Variants in RTTN observed in about 807,000 individuals in gnomAD.
RTTN encodes the protein rotatin.
A neutral mutation model predicts 269.2 loss-of-function variants in RTTN; 182 were observed. The ratio of observed to expected loss-of-function variants is 0.68; its 90% CI spans 0.60 to 0.76. The LOEUF is 0.76. RTTN is among the 30% of genes least tolerant of loss of function. The probability of loss-of-function intolerance (pLI) is 0.00; values close to 1 mark genes in which losing one functional copy is unlikely to be tolerated. For synonymous variants in RTTN, 1,006 were observed against 963.5 expected (o/e 1.04, Z -0.82); for missense variants, 2,545 against 2,608.6 (o/e 0.98, Z 0.53).
chr18:70,183,416 A>G (rs2061463221), intron 10 of RTTN, among the ~76,000 whole-genome samples: 1 of 152,188 alleles, frequency 6.6e-6, no homozygotes, highest in Non-Finnish European at 1.5e-5. Context: ...TGAGATTTAA[A>G]TTGAACAACT....
intron 10 of RTTN, among the ~76,000 whole-genome samples, chr18:70,181,964 A>G (rs1374651532): frequency 6.6e-6 from 1 of 152,192 alleles, no homozygotes; most frequent in Non-Finnish European, 1.5e-5. Flanking sequence ...GTTAAAAGTG[A>G]ATGACTAACT....
intron 40 of RTTN, among the ~76,000 whole-genome samples, chr18:70,043,373 T>C (rs749819624): frequency 1.3e-5 from 2 of 152,150 alleles, no homozygotes; most frequent in African/African-American, 2.4e-5. Context: ...TATTCTCTAA[T>C]TGGCATTATG....
At chr18:70,198,124 T>C (rs143451635) in intron 5 of RTTN, among the ~76,000 whole-genome samples, 187 of 152,198 alleles carry the variant, frequency 1.2e-3, no homozygotes, top group Non-Finnish European at 2.4e-3. Flanking sequence ...AGAACAAAAG[T>C]ACAGAGGCAA....
Position 70,051,561 on chromosome 18 carries a change from T to C in RTTN, c.5186-13A>G. 1 of 1,562,592 alleles carries C rather than the reference T, an allele frequency of 6.4e-7. No homozygotes were observed. The highest frequency in any genetic ancestry group is 1.2e-5 in the South Asian group (1 of 86,860). ...ATTAACTCTTTATCTATAAAATTAATCAAAACACTTCAAGTTATTAACACA... is the reference window on the plus strand; with the variant it reads ...ATTAACTCTTTATCTATAAAATTAACCAAAACACTTCAAGTTATTAACACA... On this transcript the variant is annotated splice_polypyrimidine_tract_variant and intron_variant, in intron 38 of 48. Transcript: ENST00000640769.
In RTTN at chr18:70,006,449, T is replaced by C. The variant is rs776083667; in HGVS notation, c.6457A>G (p.Ser2153Gly). The change falls in exon 47 of 49, where the codon AGT (serine) becomes GGT (glycine). Residue 2153 changes from serine to glycine, a missense_variant. Physicochemically the swap from Ser to Gly is moderately conservative, Grantham distance 56. Coordinates refer to ENST00000640769, the MANE Select transcript of RTTN (RefSeq NM_173630.4). ...VITVLAACLE[S>G]ENQNAQRIGA... is the part of the protein sequence containing the mutation. ...ATCCTCTGAGCATTTTGATTCTCAC[T>C]TTCCAGACAGGCAGCAAGCACAGTA... is the stretch of plus-strand genomic sequence containing the variant. 3 of 1,614,086 alleles carry C rather than the reference T, an allele frequency of 1.9e-6. No homozygotes were observed. In the South Asian group the frequency reaches 3.3e-5, roughly 18 times the overall value.
intron 28 of RTTN, among the ~76,000 whole-genome samples, chr18:70,094,329 T>C (rs2058937709): frequency 6.6e-6 from 1 of 152,184 alleles, no homozygotes; most frequent in Non-Finnish European, 1.5e-5. Context: ...AGTTATTTCT[T>C]GTCTTCTGCT....
chr18:70,080,054 C>A (rs951062983), intron 32 of RTTN, among the ~76,000 whole-genome samples: 1 of 151,982 alleles, frequency 6.6e-6, no homozygotes, highest in Non-Finnish European at 1.5e-5. Flanking sequence ...AATATCATTA[C>A]AATGATATCA....
chr18:70,127,109 T>C (rs141694354), intron 25 of RTTN, among the ~76,000 whole-genome samples: 96 of 152,278 alleles, frequency 6.3e-4, no homozygotes, highest in Non-Finnish European at 1.3e-3. Flanking sequence ...TGATATAATT[T>C]ACTTAAGAAC....
chr18:70,162,439 A>G (rs1267583661), intron 14 of RTTN, among the ~76,000 whole-genome samples: 2 of 152,318 alleles, frequency 1.3e-5, no homozygotes, highest in South Asian at 2.1e-4. Context: ...ATACATAAGG[A>G]AAGAAGTTTA....
At position 70,127,548 on chromosome 18, in the gene RTTN, A is replaced by G. The variant is rs587780442; in HGVS notation, c.3337T>C (p.Cys1113Arg). The G allele has an allele frequency of 1.2e-6, 2 of 1,613,566 alleles. No homozygotes were observed. Among genetic ancestry groups the G allele is most frequent in the Admixed American group, 1.7e-5 (1 of 59,850 alleles). ...RLSLKGCPGP[C>R]GVTLKSLAWH... The stretch of plus-strand genomic sequence containing the variant: ...GCCAAGGACTTCAAGGTAACCCCAC[A>G]TGGACCAGGGCAACCCTTTAAAGAC... The change falls in exon 25 of 49, where the codon TGT becomes CGT. Residue 1113 changes from cysteine (C) to arginine (R), a missense_variant. Coordinates refer to ENST00000640769, the MANE Select transcript of RTTN (RefSeq NM_173630.4).
At chr18:70,082,763 T>A (rs2058603576) in intron 32 of RTTN, among the ~76,000 whole-genome samples, 1 of 152,146 alleles carries the variant, frequency 6.6e-6, no homozygotes, top group Non-Finnish European at 1.5e-5. Context: ...CAATCATAGC[T>A]TACTGTGGCC....
chr18:70,034,207 A>G (rs117708277), intron 40 of RTTN, among the ~76,000 whole-genome samples: 3 of 152,304 alleles, frequency 2.0e-5, no homozygotes, highest in Non-Finnish European at 4.4e-5. Flanking sequence ...AATTCATTCT[A>G]TGAGGCTAGC....
chr18:70,068,056 AT>A (rs571696248), intron 34 of RTTN, among the ~76,000 whole-genome samples: 129 of 152,316 alleles, frequency 8.5e-4, no homozygotes, highest in Non-Finnish European at 1.5e-3. Context: ...ACTAGCCTCT[AT>A]TTTTTAAGTG....
Position 70,204,155 on chromosome 18 carries a change from C to T in RTTN, c.328G>A (p.Asp110Asn). 6.2e-7 allele frequency: 1 copy of T among 1,614,082 alleles called. No individual in the cohort carries two copies. Among genetic ancestry groups the T allele is most frequent in the Non-Finnish European group, 8.5e-7 (1 of 1,179,978 alleles). The change falls in exon 3 of 49, where the codon GAT becomes AAT. Residue 110 changes from aspartate (D) to asparagine (N), a missense_variant. Physicochemically the swap from Asp to Asn is conservative, Grantham distance 23. Transcript: ENST00000640769. ...NLQAEIDGILDGLFLLPSEVP... is the reference protein window; with the variant it reads ...NLQAEIDGILNGLFLLPSEVP... ...TCCGAAGGAAGAAGAAAAAGTCCAT[C>T]CAGAATGCCATCAATTTCAGCCTGC...
At chr18:70,101,915 A>G (rs2059178025) in intron 28 of RTTN, among the ~76,000 whole-genome samples, 1 of 152,212 alleles carries the variant, frequency 6.6e-6, no homozygotes, top group African/African-American at 2.4e-5. Context: ...CCTGAGTTCC[A>G]GTTTGATTGC....
At chr18:70,108,072 T>C (rs1000991029) in intron 28 of RTTN, among the ~76,000 whole-genome samples, 5 of 151,844 alleles carry the variant, frequency 3.3e-5, no homozygotes, top group African/African-American at 1.2e-4. Context: ...AGATCAGGAG[T>C]TCGACACCAG....
intron 5 of RTTN, among the ~76,000 whole-genome samples, chr18:70,198,339 A>G (rs2061863271): frequency 6.6e-6 from 1 of 152,174 alleles, no homozygotes; most frequent in South Asian, 2.1e-4. Flanking sequence ...ACAGGCATGC[A>G]TTAGAAATTA....
chr18:70,023,313 T>C lies in RTTN; in HGVS notation c.5950+1409A>G, dbSNP rs546284101. Among the ~76,000 whole-genome samples, 51 of 152,304 alleles carry C rather than the reference T, an allele frequency of 3.3e-4. 1 individual carries two copies. The South Asian group carries it at 0.011, about 32-fold the overall frequency. On this transcript the variant is annotated intron_variant, in intron 44 of 48. Coordinates refer to ENST00000640769, the MANE Select transcript of RTTN (RefSeq NM_173630.4). ...ATGATTAATGTTTGCAGATGCTAAA[T>C]TTTAGAGTAATTTCTTTTGTAGCAA... is the stretch of plus-strand genomic sequence containing the variant.
chr18:70,077,635 C>T (rs906972809), intron 32 of RTTN, among the ~76,000 whole-genome samples: 3 of 151,902 alleles, frequency 2.0e-5, no homozygotes, highest in Non-Finnish European at 4.4e-5. Context: ...AGTTTAATCA[C>T]ATTTTCCCTT....
Sources: gnomAD v4.1 joint callset for allele counts (sites outside exome capture counted in the v4.1 genomes callset) on GRCh38, gnomAD v4.1.1 for gene constraint, MANE v1.5 for transcripts, NCBI Gene and HGNC (gene_info 2026-07-23, HGNC 2026-07-21) for gene names.